Variants in TATDN3 observed in about 807,000 individuals in gnomAD.
TATDN3 encodes deoxyribonuclease TATDN3.
A neutral mutation model predicts 40.1 loss-of-function variants in TATDN3; 29 were observed. The ratio of observed to expected loss-of-function variants is 0.72; its 90% CI spans 0.54 to 0.99. The LOEUF (loss-of-function observed/expected upper bound fraction) is 0.99. Among genes scored for constraint, TATDN3 ranks in the 50% least tolerant of loss-of-function variants. The probability of loss-of-function intolerance (pLI) is 0.00; values close to 1 mark genes in which losing one functional copy is unlikely to be tolerated. For synonymous variants in TATDN3, 105 were observed against 117.0 expected (o/e 0.90, Z 0.66); for missense variants, 309 against 321.9 (o/e 0.96, Z 0.31).
chr1:212,806,122 A>G (rs1571965135), intron 7 of TATDN3, among the ~76,000 whole-genome samples: 1 of 152,202 alleles, frequency 6.6e-6, no homozygotes, highest in African/African-American at 2.4e-5. Flanking sequence ...CACTGAAAGC[A>G]TGATTTTTAT....
intron 4 of TATDN3, chr1:212,797,780 A>G (rs1340502589): frequency 6.6e-6 from 1 of 152,382 alleles, no homozygotes; most frequent in Non-Finnish European, 1.5e-5. Context: ...CTTTGAACAT[A>G]GAACCATTGT....
At chr1:212,794,131 A>C (rs933062926) in intron 1 of TATDN3, among the ~76,000 whole-genome samples, 1 of 152,000 alleles carries the variant, frequency 6.6e-6, no homozygotes, top group African/African-American at 2.4e-5. Flanking sequence ...GTACAAAAAA[A>C]TTAGCTGGGC....
intron 4 of TATDN3, 171 bp downstream of exon 4, chr1:212,797,367 G>A (rs772120281): frequency 5.1e-6 from 3 of 587,420 alleles, no homozygotes; most frequent in African/African-American, 3.7e-5. Context: ...TAGAGAAAAA[G>A]TAGAAACAGC....
chr1:212,809,512 G>A (rs1313915562), intron 8 of TATDN3, among the ~76,000 whole-genome samples: 1 of 151,836 alleles, frequency 6.6e-6, no homozygotes, highest in East Asian at 1.9e-4. Context: ...GGGAAGCCCC[G>A]TCACTACTAA....
At chr1:212,804,253 A>G (rs1662327451) in intron 5 of TATDN3, 67 bp from the exon 6 acceptor site, 3 of 1,087,640 alleles carry the variant, frequency 2.8e-6, no homozygotes, top group Non-Finnish European at 4.1e-6. Flanking sequence ...GGATAGCATC[A>G]ATCCAAAGAT....
chr1:212,794,236 G>A (rs1413758172), intron 1 of TATDN3, among the ~76,000 whole-genome samples: 4 of 150,404 alleles, frequency 2.7e-5, no homozygotes, highest in Non-Finnish European at 4.4e-5. Context: ...AGCCGAGATC[G>A]TGACACTGCA....
chr1:212,804,239 T>G lies in TATDN3; in HGVS notation c.322-81T>G, dbSNP rs139320079. On this transcript the variant is annotated intron_variant, in intron 5 of 9. Coordinates refer to ENST00000366974, the MANE Select transcript of TATDN3 (RefSeq NM_001042552.3). Reference sequence around the variant, plus strand: ...TTTTGTGCCTCACATTATATATTTCTATTGGATAGCATCAATCCAAAGATC... The same window carrying G: ...TTTTGTGCCTCACATTATATATTTCGATTGGATAGCATCAATCCAAAGATC... The G allele has an allele frequency of 6.8e-4, 624 of 917,546 alleles. 4 individuals are homozygous for G. In the African/African-American group the frequency reaches 9.5e-3, roughly 14 times the overall value. 56.8% of individuals were successfully genotyped at this position (917,546 alleles called of 1,614,324 possible).
Position 212,797,142 on chromosome 1 carries a change from T to C in TATDN3, c.204T>C (p.Gly68=). 6.2e-7 allele frequency: 1 copy of C among 1,614,174 alleles called. No homozygotes were observed. Among genetic ancestry groups the C allele is most frequent in the East Asian group, 2.2e-5 (1 of 44,876 alleles). ...ATGGGTTTGTCCTGCCATGCTTGGG[T>C]GTTCATCCAGTTCAAGGACTTCCAC... The part of the protein sequence containing the change: ...RYNGFVLPCL[G]VHPVQGLPPE... The change falls in exon 4 of 10, where the codon GGT becomes GGC. Residue 68 remains glycine (G), a synonymous_variant. Transcript: ENST00000366974.
At chr1:212,797,760 G>A (rs1267155124) in intron 4 of TATDN3, 1 of 152,426 alleles carries the variant, frequency 6.6e-6, no homozygotes, top group Non-Finnish European at 1.5e-5. Flanking sequence ...GTTCAAGTAA[G>A]TAGTATTATC....
chr1:212,800,374 CTTTT>C (rs373975223), intron 4 of TATDN3, among the ~76,000 whole-genome samples: 3 of 134,002 alleles, frequency 2.2e-5, no homozygotes, highest in African/African-American at 2.7e-5. Flanking sequence ...ATAGGTACTT[CTTTT>C]TTTTTTTTTT....
intron 7 of TATDN3, 124 bp from the exon 8 acceptor site, chr1:212,807,612 A>C (rs1418789983): frequency 1.6e-6 from 1 of 626,852 alleles, no homozygotes; most frequent in Non-Finnish European, 2.7e-6. Flanking sequence ...CGCCCTTTAG[A>C]AGTTATAGAA....
intron 9 of TATDN3, among the ~76,000 whole-genome samples, chr1:212,814,642 C>T (rs1207371289): frequency 6.6e-6 from 1 of 152,168 alleles, no homozygotes; most frequent in Non-Finnish European, 1.5e-5. Context: ...GTCATGTAGC[C>T]TGTGAGGTAG....
chr1:212,798,536 C>CAAAAAA (rs11296428), intron 4 of TATDN3, among the ~76,000 whole-genome samples: 116 of 91,242 alleles, frequency 1.3e-3, no homozygotes, highest in African/African-American at 2.5e-3. Context: ...CTCAAAAACT[C>CAAAAAA]AAAAAAAAAA....
chr1:212,792,438 A>G (rs1443749028), intron 1 of TATDN3, among the ~76,000 whole-genome samples: 1 of 147,508 alleles, frequency 6.8e-6, no homozygotes, highest in South Asian at 2.2e-4. Context: ...GGAGATCGTG[A>G]CCAGCCTGGG....
chr1:212,792,199 C>T (rs1661353969), intron 1 of TATDN3, among the ~76,000 whole-genome samples: 1 of 152,164 alleles, frequency 6.6e-6, no homozygotes, highest in African/African-American at 2.4e-5. Flanking sequence ...GGTAAGCTAT[C>T]TCCACAAGGC....
intron 7 of TATDN3, among the ~76,000 whole-genome samples, chr1:212,807,225 G>A (rs1305834050): frequency 6.6e-6 from 1 of 151,634 alleles, no homozygotes; most frequent in African/African-American, 2.4e-5. Flanking sequence ...GATTACAGAC[G>A]TGAGCCACTG....
chr1:212,807,380 G>A (rs760525080), intron 7 of TATDN3, among the ~76,000 whole-genome samples: 1 of 152,036 alleles, frequency 6.6e-6, no homozygotes, highest in Non-Finnish European at 1.5e-5. Flanking sequence ...AGCTTCCCGA[G>A]TAGCTGGGAC....
Position 212,815,892 on chromosome 1 carries a change from C to T in TATDN3, c.*736C>T, listed in dbSNP as rs907561623. 6 of 152,156 alleles carry T rather than the reference C, an allele frequency of 3.9e-5. No individual in the cohort carries two copies. Among genetic ancestry groups the T allele is most frequent in the African/African-American group, 1.4e-4 (6 of 41,440 alleles). 9.4% of individuals were successfully genotyped at this position (152,156 alleles called of 1,614,324 possible). ...CAGTGAAGGGAGAATGTCTGGTTTT[C>T]TATGCTGTCAGAAATCTCTTTTCTA... On this transcript the variant is annotated 3_prime_UTR_variant, in exon 10 of 10. Transcript: ENST00000366974.
intron 8 of TATDN3, among the ~76,000 whole-genome samples, chr1:212,809,568 C>G (rs1300410598): frequency 6.6e-6 from 1 of 151,952 alleles, no homozygotes; most frequent in Admixed American, 6.6e-5. Flanking sequence ...CCTGTAGTCC[C>G]ACCTACTCGG....
Sources: gnomAD v4.1 joint callset for allele counts (sites outside exome capture counted in the v4.1 genomes callset) on GRCh38, gnomAD v4.1.1 for gene constraint, MANE v1.5 for transcripts, NCBI Gene and HGNC (gene_info 2026-07-23, HGNC 2026-07-21) for gene names.